The following AP1G1 variants were observed in gnomAD, a reference collection of about 807,000 sequenced individuals.
The protein encoded by AP1G1 is adaptor related protein complex 1 subunit gamma 1.
Under a neutral mutation model 108.3 loss-of-function variants are expected in AP1G1, and 7 were observed. That is an observed-to-expected ratio of 0.06 (90% CI 0.04 to 0.12). AP1G1 has a LOEUF of 0.12. AP1G1 is among the 10% of genes least tolerant of loss of function. AP1G1 has a pLI of 1.00. For synonymous variants in AP1G1, 379 were observed against 353.5 expected (o/e 1.07, Z -0.81); for missense variants, 756 against 1,010.7 (o/e 0.75, Z 3.42).
chr16:71,739,886 T>A lies in AP1G1; in HGVS notation c.2000-545A>T, dbSNP rs577642153. 8.5e-5 allele frequency among the ~76,000 whole-genome samples: 13 copies of A among 152,126 alleles called. No homozygotes were observed. The East Asian group carries it at 2.5e-3, about 29-fold the overall frequency. On this transcript the variant is annotated intron_variant, in intron 19 of 22. Coordinates refer to ENST00000299980, the MANE Select transcript of AP1G1 (RefSeq NM_001128.6). ...AAACAGATAACCCAATTTAAAAGTG[T>A]CAAGATATAAAAACACGCAAGTCAC...
chr16:71,759,236 A>G (rs1325768185), intron 10 of AP1G1, among the ~76,000 whole-genome samples: 2 of 152,162 alleles, frequency 1.3e-5, no homozygotes, highest in African/African-American at 4.8e-5. Context: ...AGGCAGGTGG[A>G]TACCTGAGGT....
chr16:71,756,348 G>A (rs2030783753), intron 11 of AP1G1, 189 bp from the exon 12 acceptor site: 1 of 465,908 alleles, frequency 2.1e-6, no homozygotes, highest in African/African-American at 2.0e-5. Flanking sequence ...AGTTAGTTTT[G>A]ATATTTTGAA....
At chr16:71,766,399 T>C (rs767913641) in intron 6 of AP1G1, 26 of 468,054 alleles carry the variant, frequency 5.6e-5, no homozygotes, top group Middle Eastern at 3.3e-4. Context: ...TAAAGGCAAT[T>C]TTACTGCCAA....
intron 19 of AP1G1, chr16:71,743,571 C>G (rs573816015): frequency 6.6e-6 from 1 of 151,178 alleles, no homozygotes; most frequent in Non-Finnish European, 1.5e-5. Context: ...CCACTGCACT[C>G]CAGCCTGGCT....
At chr16:71,791,025 A>G (rs1258142135) in intron 1 of AP1G1, among the ~76,000 whole-genome samples, 1 of 152,154 alleles carries the variant, frequency 6.6e-6, no homozygotes, top group African/African-American at 2.4e-5. Flanking sequence ...GTTCGAAACC[A>G]GCCTGGCCAA....
At chr16:71,794,864 T>TTTTTTTA (rs71153663) in intron 1 of AP1G1, among the ~76,000 whole-genome samples, 1 of 121,334 alleles carries the variant, frequency 8.2e-6, no homozygotes, top group Non-Finnish European at 1.7e-5. Context: ...TTTTTTTTTT[T>TTTTTTTA]ACTTTGAAAT....
Position 71,734,601 on chromosome 16 carries a change from C to T in AP1G1, c.2367+8G>A. 1 of 1,596,810 alleles carries T rather than the reference C, an allele frequency of 6.3e-7. No individual in the cohort carries two copies. The highest frequency in any genetic ancestry group is 8.6e-7 in the Non-Finnish European group (1 of 1,164,294). On this transcript the variant is annotated splice_region_variant and intron_variant, in intron 22 of 22. Transcript: ENST00000299980. Reference sequence around the variant, plus strand: ...GGCTCAGATATTGGCTACAAATGTGCTACTCACCTTCTGAGGGTTCAGAAC... The same window carrying T: ...GGCTCAGATATTGGCTACAAATGTGTTACTCACCTTCTGAGGGTTCAGAAC...
At chr16:71,752,741 A>T (rs2030568919) in intron 13 of AP1G1, among the ~76,000 whole-genome samples, 1 of 152,192 alleles carries the variant, frequency 6.6e-6, no homozygotes, top group African/African-American at 2.4e-5. Flanking sequence ...GCATCATCCT[A>T]TACTCCCATA....
At chr16:71,759,161 T>C (rs2064167489) in intron 10 of AP1G1, among the ~76,000 whole-genome samples, 1 of 152,178 alleles carries the variant, frequency 6.6e-6, no homozygotes, top group African/African-American at 2.4e-5. Context: ...CAAGTCCTTT[T>C]AAACTTCTAA....
At chr16:71,736,129 T>A (rs868128526) in intron 21 of AP1G1, among the ~76,000 whole-genome samples, 11,990 of 75,626 alleles carry the variant, frequency 0.16, 1,068 homozygotes, top group South Asian at 0.26. Flanking sequence ...TATATATATA[T>A]ATATATATAT....
At chr16:71,797,718 G>C (rs370229244) in intron 1 of AP1G1, among the ~76,000 whole-genome samples, 2 of 152,092 alleles carry the variant, frequency 1.3e-5, no homozygotes, top group Middle Eastern at 6.3e-3. Context: ...AGAATCGCTT[G>C]AACCCAGGAG....
intron 1 of AP1G1, among the ~76,000 whole-genome samples, chr16:71,794,946 C>T (rs1310615357): frequency 6.8e-6 from 1 of 146,934 alleles, no homozygotes; most frequent in African/African-American, 2.5e-5. Flanking sequence ...CTTGTATCCT[C>T]CTATAAGAAT....
At chr16:71,772,266 T>A (rs534013259) in intron 4 of AP1G1, among the ~76,000 whole-genome samples, 1 of 152,152 alleles carries the variant, frequency 6.6e-6, no homozygotes, top group African/African-American at 2.4e-5. Flanking sequence ...GGTGAGGGAC[T>A]ACAGGCGCCC....
intron 1 of AP1G1, among the ~76,000 whole-genome samples, chr16:71,795,027 T>G (rs2032538361): frequency 1.3e-5 from 2 of 151,996 alleles, no homozygotes; most frequent in Admixed American, 1.3e-4. Flanking sequence ...TGAATTGTCC[T>G]TTCCAAAGCA....
At chr16:71,750,415 T>C in intron 13 of AP1G1, 83 bp from the exon 14 acceptor site, 1 of 1,539,418 alleles carries the variant, frequency 6.5e-7, no homozygotes, top group Non-Finnish European at 8.9e-7. Flanking sequence ...TACTGTGTGT[T>C]TTTTCCTTTC....
chr16:71,786,045 T>C lies in AP1G1; in HGVS notation c.201+3234A>G, dbSNP rs112348331. Among the ~76,000 whole-genome samples the C allele has an allele frequency of 7.2e-3, 1,102 of 152,302 alleles. 25 individuals carry two copies. The highest frequency in any genetic ancestry group is 0.025 in the African/African-American group (1,035 of 41,566). On this transcript the variant is annotated intron_variant, in intron 2 of 22. Coordinates refer to ENST00000299980, the MANE Select transcript of AP1G1 (RefSeq NM_001128.6). ...CTGATATGAACAAGATGGTGACTCA[T>C]TGAAACAGAGGAAACAGAATAAGAA...
At chr16:71,801,020 A>C (rs920795232) in intron 1 of AP1G1, among the ~76,000 whole-genome samples, 1 of 151,938 alleles carries the variant, frequency 6.6e-6, no homozygotes, top group Non-Finnish European at 1.5e-5. Context: ...AAAATGAATT[A>C]TATTGGCTGG....
intron 17 of AP1G1, among the ~76,000 whole-genome samples, chr16:71,745,897 G>A (rs538091800): frequency 6.6e-6 from 1 of 152,232 alleles, no homozygotes; most frequent in African/African-American, 2.4e-5. Flanking sequence ...AAATCCATAG[G>A]TATTAACAGT....
At chr16:71,797,398 G>A (rs546781658) in intron 1 of AP1G1, among the ~76,000 whole-genome samples, 73 of 151,958 alleles carry the variant, frequency 4.8e-4, no homozygotes, top group African/African-American at 1.6e-3. Context: ...TAACAAAAAC[G>A]TATAAATAAA....
Sources: allele counts gnomAD v4.1 joint callset (sites outside exome capture counted in the v4.1 genomes callset), GRCh38; gene constraint gnomAD v4.1.1; transcripts MANE v1.5; gene names NCBI Gene and HGNC (gene_info 2026-07-23, HGNC 2026-07-21).